Variants in COPS2 observed in about 807,000 individuals in gnomAD.
The protein encoded by COPS2 is COP9 signalosome complex subunit 2.
COPS2 carries 10 observed loss-of-function variants against 66.1 expected under a neutral mutation model. That is an observed-to-expected ratio of 0.15 (90% CI 0.09 to 0.26). The LOEUF (loss-of-function observed/expected upper bound fraction) is 0.26. Among genes scored for constraint, COPS2 ranks in the 10% least tolerant of loss-of-function variants. COPS2 has a pLI of 1.00. For synonymous variants in COPS2, 179 were observed against 171.3 expected (o/e 1.04, Z -0.35); for missense variants, 215 against 513.3 (o/e 0.42, Z 5.62).
At chr15:49,153,197 G>T (rs893077075) in intron 1 of COPS2, among the ~76,000 whole-genome samples, 5 of 152,144 alleles carry the variant, frequency 3.3e-5, no homozygotes, top group African/African-American at 1.2e-4. Context: ...AGGCTGAGGC[G>T]GGATGATTGG....
At chr15:49,138,102 GA>G (rs2084266444) in intron 4 of COPS2, among the ~76,000 whole-genome samples, 2 of 152,180 alleles carry the variant, frequency 1.3e-5, no homozygotes, top group Admixed American at 1.3e-4. Context: ...TGGGTGGAGA[GA>G]AAAGTCTAGT....
At chr15:49,139,360 A>C in intron 4 of COPS2, 168 bp downstream of exon 4, 1 of 551,126 alleles carries the variant, frequency 1.8e-6, no homozygotes. Flanking sequence ...ACTATTATAT[A>C]ATCAGTAATA....
In COPS2 at chr15:49,137,338, T is replaced by C. The variant is rs748760114; in HGVS notation, c.462+10A>G. 2.4e-5 allele frequency: 38 copies of C among 1,591,968 alleles called. No individual in the cohort carries two copies. Among genetic ancestry groups the C allele is most frequent in the Non-Finnish European group, 2.8e-5 (33 of 1,161,384 alleles). On this transcript the variant is annotated intron_variant, in intron 5 of 12. Transcript: ENST00000388901. ...TTTCAAAAGAAAAGTGTAAGTATTA[T>C]AACGGTTACCTTTGTGTTTGTCTTA...
At chr15:49,136,293 T>C (rs1206157052) in intron 6 of COPS2, among the ~76,000 whole-genome samples, 1 of 152,202 alleles carries the variant, frequency 6.6e-6, no homozygotes, top group Non-Finnish European at 1.5e-5. Flanking sequence ...ATGATGTATT[T>C]GGTTAAGACA....
chr15:49,131,606 G>T (rs1465045996), intron 9 of COPS2, among the ~76,000 whole-genome samples: 4 of 151,584 alleles, frequency 2.6e-5, no homozygotes, highest in Admixed American at 2.6e-4. Context: ...CTCATATTAG[G>T]GGCACGTGAT....
At chr15:49,146,148 T>G (rs76416260) in intron 1 of COPS2, among the ~76,000 whole-genome samples, 5 of 152,226 alleles carry the variant, frequency 3.3e-5, no homozygotes, top group African/African-American at 1.2e-4. Context: ...AAAAATACAT[T>G]AACACAAGAT....
rs547004619 is a variant in COPS2, at chr15:49,134,621, C to T, written c.541-107G>A. ...TTATAATACTATTTCCATGTGAAAA[C>T]ACAACACAAATTTTAATTGGGAGCT... On this transcript the variant is annotated intron_variant, in intron 6 of 12. Transcript: ENST00000388901. The T allele has an allele frequency of 8.7e-6, 8 of 921,234 alleles. No individual in the cohort carries two copies. In the East Asian group the frequency reaches 2.1e-4, roughly 25 times the overall value. 57.1% of individuals were successfully genotyped at this position (921,234 alleles called of 1,614,324 possible).
chr15:49,141,792 A>C (rs1456576243), intron 3 of COPS2, among the ~76,000 whole-genome samples: 1 of 152,224 alleles, frequency 6.6e-6, no homozygotes, highest in Non-Finnish European at 1.5e-5. Flanking sequence ...AAAGGTAGAT[A>C]AGGTAAACAA....
intron 4 of COPS2, among the ~76,000 whole-genome samples, chr15:49,138,666 T>C (rs577993593): frequency 7.9e-5 from 12 of 152,134 alleles, no homozygotes; most frequent in African/African-American, 2.9e-4. Context: ...CCTTCCTCTA[T>C]TGGCATTACA....
intron 6 of COPS2, among the ~76,000 whole-genome samples, chr15:49,136,389 T>C (rs1046170229): frequency 1.3e-5 from 2 of 152,134 alleles, no homozygotes; most frequent in African/African-American, 4.8e-5. Flanking sequence ...TTTAAAGTAA[T>C]TAATTACAGA....
chr15:49,132,357 T>C (rs559286601), intron 9 of COPS2, among the ~76,000 whole-genome samples: 1 of 151,816 alleles, frequency 6.6e-6, no homozygotes, highest in Non-Finnish European at 1.5e-5. Context: ...AAAAACGCTT[T>C]TTTTTTTACA....
At chr15:49,129,443 T>C (rs1215415692) in intron 11 of COPS2, 34 bp downstream of exon 11, 1 of 946,450 alleles carries the variant, frequency 1.1e-6, no homozygotes. Flanking sequence ...AACTATAAAT[T>C]ATAAACATCA....
In COPS2 at chr15:49,123,515, A is replaced by G. The variant is rs1566879525; in HGVS notation, c.*4435T>C. 6.6e-6 allele frequency: 1 copy of G among 152,190 alleles called. No individual in the cohort carries two copies. The highest frequency in any genetic ancestry group is 2.4e-5 in the African/African-American group (1 of 41,450). 9.4% of individuals were successfully genotyped at this position (152,190 alleles called of 1,614,324 possible). On this transcript the variant is annotated 3_prime_UTR_variant, in exon 13 of 13. Coordinates refer to ENST00000388901, the MANE Select transcript of COPS2 (RefSeq NM_004236.4). ...AAATTACTGTGATAAACTGGTGATG[A>G]ATTTTGTACTCCCACAAGTATGTTT...
chr15:49,127,966 A>G lies in COPS2; in HGVS notation c.1316T>C (p.Val439Ala). 6.2e-7 allele frequency: 1 copy of G among 1,613,948 alleles called. No individual in the cohort carries two copies. Among genetic ancestry groups the G allele is most frequent in the South Asian group, 1.1e-5 (1 of 91,064 alleles). ...NQLNSLNQAV[V>A]SKLA is the part of the protein sequence containing the mutation. ...TGTTCTCTGTTAAGCCAGTTTACTGACTACAGCCTGGTTGAGAGAATTTAG... is the reference window on the plus strand; with the variant it reads ...TGTTCTCTGTTAAGCCAGTTTACTGGCTACAGCCTGGTTGAGAGAATTTAG... The change falls in exon 13 of 13, where the codon GTC becomes GCC. Residue 439 changes from valine (V) to alanine (A), a missense_variant. This residue lies in a region of COPS2 where 42 missense variants were observed against 55.9 expected (regional missense o/e 0.75). Transcript: ENST00000388901.
chr15:49,136,612 T>C (rs1047734723), intron 6 of COPS2, among the ~76,000 whole-genome samples: 1 of 152,174 alleles, frequency 6.6e-6, no homozygotes, highest in Non-Finnish European at 1.5e-5. Context: ...TTTCACAGGG[T>C]ATATAACTAC....
Position 49,130,708 on chromosome 15 carries a change from A to G in COPS2, c.1045+11T>C. Reference sequence around the variant, plus strand: ...GAAAGTAATAGAATCCAGTTGGCAGAAAGAACATACCTTCAATGTGTTCTC... The same window carrying G: ...GAAAGTAATAGAATCCAGTTGGCAGGAAGAACATACCTTCAATGTGTTCTC... On this transcript the variant is annotated intron_variant, in intron 10 of 12. Transcript: ENST00000388901. 1 of 1,515,048 alleles carries G rather than the reference A, an allele frequency of 6.6e-7. No homozygotes were observed. The allele number at this position is 1,515,048 out of a possible 1,614,324, so 93.9% of individuals were successfully genotyped here. A position where few individuals can be genotyped will look rare whatever the true frequency, so the allele number is the denominator to read the frequency against.
intron 1 of COPS2, among the ~76,000 whole-genome samples, 176 bp from the exon 2 acceptor site, chr15:49,145,254 G>A (rs919753490): frequency 5.3e-5 from 8 of 152,174 alleles, no homozygotes; most frequent in Admixed American, 3.9e-4. Flanking sequence ...ACCAGGGGTT[G>A]AAGAGAGGAG....
chr15:49,140,785 A>C (rs1286988010), intron 3 of COPS2, among the ~76,000 whole-genome samples: 1 of 152,000 alleles, frequency 6.6e-6, no homozygotes, highest in Admixed American at 6.5e-5. Flanking sequence ...AAGCATTGGC[A>C]GATACAAATG....
rs1320234883 is a variant in COPS2 at position 49,137,343 on chromosome 15, G to T, written c.462+5C>A. The T allele has an allele frequency of 1.3e-6, 2 of 1,597,356 alleles. No individual in the cohort carries two copies. The highest frequency in any genetic ancestry group is 3.4e-5 in the Admixed American group (2 of 59,532). On this transcript the variant is annotated splice_donor_5th_base_variant and intron_variant, in intron 5 of 12. Transcript: ENST00000388901. ...AAAGAAAAGTGTAAGTATTATAACGGTTACCTTTGTGTTTGTCTTAAACCA... is the reference window on the plus strand; with the variant it reads ...AAAGAAAAGTGTAAGTATTATAACGTTTACCTTTGTGTTTGTCTTAAACCA...
Sources: allele counts gnomAD v4.1 joint callset (sites outside exome capture counted in the v4.1 genomes callset), GRCh38; gene constraint gnomAD v4.1.1; regional missense constraint gnomAD v4.1.1; transcripts MANE v1.5; gene names NCBI Gene and HGNC (gene_info 2026-07-23, HGNC 2026-07-21).